Variants in GRID1 observed in about 807,000 individuals in gnomAD.
The protein encoded by GRID1 is glutamate ionotropic receptor delta type subunit 1.
GRID1 carries 28 observed loss-of-function variants against 98.0 expected under a neutral mutation model. That is an observed-to-expected ratio of 0.29 (90% CI 0.21 to 0.39). The LOEUF (loss-of-function observed/expected upper bound fraction) is 0.39, where lower values mean the gene tolerates loss of function less well. Among genes scored for constraint, GRID1 ranks in the 10% least tolerant of loss-of-function variants. The pLI, the probability that GRID1 is intolerant of heterozygous loss-of-function variation, is 1.00. For synonymous variants in GRID1, 553 were observed against 538.5 expected (o/e 1.03, Z -0.37); for missense variants, 1,111 against 1,340.5 (o/e 0.83, Z 2.67).
chr10:85,643,521 G>T (rs987075650), intron 13 of GRID1, among the ~76,000 whole-genome samples: 1 of 152,122 alleles, frequency 6.6e-6, no homozygotes, highest in Non-Finnish European at 1.5e-5. Flanking sequence ...ATAGGAGTAG[G>T]GAAGAAGACA....
intron 4 of GRID1, among the ~76,000 whole-genome samples, chr10:86,056,007 C>T (rs1400617690): frequency 6.6e-6 from 1 of 152,222 alleles, no homozygotes; most frequent in African/African-American, 2.4e-5. Flanking sequence ...TGTTATGGCA[C>T]ACTAAGCAGA....
At chr10:86,093,817 A>G (rs1429121583) in intron 4 of GRID1, among the ~76,000 whole-genome samples, 1 of 152,190 alleles carries the variant, frequency 6.6e-6, no homozygotes, top group East Asian at 1.9e-4. Flanking sequence ...CAAGAAAGAC[A>G]AAGAAGGAAC....
At chr10:86,077,144 G>C (rs1843894577) in intron 4 of GRID1, among the ~76,000 whole-genome samples, 1 of 139,348 alleles carries the variant, frequency 7.2e-6, no homozygotes, top group Non-Finnish European at 1.6e-5. Context: ...CATGGTGGGT[G>C]AGTTGAGCTG....
At chr10:86,258,953 A>AT (rs1489421626) in intron 2 of GRID1, among the ~76,000 whole-genome samples, 12 of 152,246 alleles carry the variant, frequency 7.9e-5, no homozygotes, top group Admixed American at 2.6e-4. Flanking sequence ...AAGAACTGAG[A>AT]TTAGAAATCA....
chr10:85,751,151 T>G (rs1452595425), intron 8 of GRID1, among the ~76,000 whole-genome samples: 3 of 152,126 alleles, frequency 2.0e-5, no homozygotes, highest in Non-Finnish European at 4.4e-5. Flanking sequence ...CATGAATGTA[T>G]AAGAATCTAA....
rs938628942 is a variant in GRID1, at chr10:86,206,961, G to A, written c.236-313C>T. ...TAGAGCACAGATCCATCCCAAATCT[G>A]CCTGATTCACCCCCACTGAGCTGTA... is the stretch of plus-strand genomic sequence containing the variant. On this transcript the variant is annotated intron_variant, in intron 2 of 15. Transcript: ENST00000327946. The surrounding 1 kb of genome is among the most constrained non-coding windows in gnomAD (Gnocchi z 4.1). Among the ~76,000 whole-genome samples the A allele has an allele frequency of 6.6e-6, 1 of 152,214 alleles. No individual in the cohort carries two copies. The highest frequency in any genetic ancestry group is 1.5e-5 in the Non-Finnish European group (1 of 68,046).
chr10:86,087,905 T>C (rs1844088008), intron 4 of GRID1, among the ~76,000 whole-genome samples: 1 of 152,142 alleles, frequency 6.6e-6, no homozygotes, highest in Non-Finnish European at 1.5e-5. Flanking sequence ...ATAGTGCTAG[T>C]TCCTCCCCAC....
chr10:86,092,029 G>A (rs1161586201), intron 4 of GRID1, among the ~76,000 whole-genome samples: 2 of 152,166 alleles, frequency 1.3e-5, no homozygotes, highest in East Asian at 1.9e-4. Context: ...CTACCCAAAT[G>A]AGAAGGAACC....
rs535901974 is a variant in GRID1 at position 85,918,649 on chromosome 10, C to T, written c.727-2410G>A. On this transcript the variant is annotated intron_variant, in intron 4 of 15. Coordinates refer to ENST00000327946, the MANE Select transcript of GRID1 (RefSeq NM_017551.3). ...ATGTGCAAGAGAGATTGGAATTGCT[C>T]TATGCATCCTCTGAGTGTTGACCTA... Among the ~76,000 whole-genome samples the T allele has an allele frequency of 1.1e-4, 16 of 152,322 alleles. No homozygotes were observed. In the South Asian group the frequency reaches 2.1e-3, roughly 20 times the overall value.
chr10:85,933,641 T>G (rs1314801940), intron 4 of GRID1, among the ~76,000 whole-genome samples: 1 of 152,174 alleles, frequency 6.6e-6, no homozygotes, highest in Admixed American at 6.5e-5. Context: ...AGACACAACT[T>G]CATAGAGAAT....
chr10:85,682,708 C>T (rs1278039477), intron 12 of GRID1, among the ~76,000 whole-genome samples: 1 of 152,226 alleles, frequency 6.6e-6, no homozygotes, highest in Non-Finnish European at 1.5e-5. Context: ...GCCTCAGACA[C>T]CCTTCTCCAA....
intron 3 of GRID1, among the ~76,000 whole-genome samples, chr10:86,197,887 A>C (rs1845898442): frequency 6.6e-6 from 1 of 152,124 alleles, no homozygotes; most frequent in Admixed American, 6.5e-5. Context: ...ACACTCATCC[A>C]GGTAAAGTTA....
At position 85,895,016 on chromosome 10, in the gene GRID1, A is replaced by AT. The variant is rs1554838331; in HGVS notation, c.780+21169_780+21170insA. 6.3e-3 allele frequency among the ~76,000 whole-genome samples: 611 copies of AT among 97,016 alleles called. 6 individuals are homozygous for AT. Among genetic ancestry groups the AT allele is most frequent in the East Asian group, 0.048 (164 of 3,396 alleles). 63.6% of individuals were successfully genotyped at this position (97,016 alleles called of 152,430 possible). ...CTGGGACTCTCAAAAAAAAAAAAAA[A>AT]ATATATATATATATATATATATATG... On this transcript the variant is annotated intron_variant, in intron 5 of 15. Transcript: ENST00000327946.
At chr10:86,262,110 T>G (rs1201791498) in intron 2 of GRID1, among the ~76,000 whole-genome samples, 1 of 152,220 alleles carries the variant, frequency 6.6e-6, no homozygotes, top group African/African-American at 2.4e-5. Flanking sequence ...CTGCGCTCTT[T>G]ACACTGTGCA....
At chr10:85,684,291 C>A (rs1405370070) in intron 12 of GRID1, among the ~76,000 whole-genome samples, 4 of 152,042 alleles carry the variant, frequency 2.6e-5, no homozygotes, top group African/African-American at 9.7e-5. Flanking sequence ...ATAACAAAAT[C>A]TGATAAAGGT....
intron 8 of GRID1, among the ~76,000 whole-genome samples, chr10:85,814,899 C>G (rs559817048): frequency 6.6e-6 from 1 of 151,966 alleles, no homozygotes; most frequent in Non-Finnish European, 1.5e-5. Context: ...TTTACCAACT[C>G]TTTTTATGAG....
At chr10:85,867,458 CT>C (rs1843232668) in intron 6 of GRID1, among the ~76,000 whole-genome samples, 2 of 151,734 alleles carry the variant, frequency 1.3e-5, no homozygotes, top group African/African-American at 4.8e-5. Flanking sequence ...AGGGATTCCC[CT>C]CTCCCGCTGC....
At chr10:85,945,250 T>C (rs1025726825) in intron 4 of GRID1, among the ~76,000 whole-genome samples, 5 of 152,264 alleles carry the variant, frequency 3.3e-5, no homozygotes, top group South Asian at 2.1e-4. Context: ...TAATAAGTTA[T>C]GATTTACTGT....
intron 2 of GRID1, among the ~76,000 whole-genome samples, chr10:86,235,413 C>T (rs1846521868): frequency 6.6e-6 from 1 of 152,222 alleles, no homozygotes; most frequent in Non-Finnish European, 1.5e-5. Context: ...GTACAAACTA[C>T]ATACTATGAA....
Sources: gnomAD v4.1 joint callset for allele counts (sites outside exome capture counted in the v4.1 genomes callset) on GRCh38, gnomAD v4.1.1 for gene constraint, Gnocchi (gnomAD v3.1) non-coding constraint, MANE v1.5 for transcripts, NCBI Gene and HGNC (gene_info 2026-07-23, HGNC 2026-07-21) for gene names.